The following EVI5 variants were observed in gnomAD, a reference collection of about 807,000 sequenced individuals.
The protein encoded by EVI5 is ecotropic viral integration site 5 protein homolog.
In EVI5, 73 loss-of-function variants were observed where a neutral mutation model predicts 112.0. The ratio of observed to expected loss-of-function variants is 0.65; its 90% CI spans 0.54 to 0.79. The LOEUF is 0.79. EVI5 is among the 30% of genes least tolerant of loss of function. The pLI is 0.00. For missense variants in EVI5, 900 were observed against 968.8 expected (o/e 0.93, Z 0.94); for synonymous variants, 305 against 319.9 (o/e 0.95, Z 0.50).
chr1:92,553,732 C>T (rs144746658), intron 19 of EVI5, among the ~76,000 whole-genome samples: 250 of 152,292 alleles, frequency 1.6e-3, no homozygotes, highest in Admixed American at 2.7e-3. Context: ...CCACGCCCTG[C>T]CCCTGTATGT....
intron 1 of EVI5, chr1:92,756,226 G>T: frequency 2.4e-6 from 1 of 422,088 alleles, no homozygotes; most frequent in East Asian, 6.0e-5. Flanking sequence ...TCAGTGGAAT[G>T]GACCTCCGCC....
intron 10 of EVI5, among the ~76,000 whole-genome samples, chr1:92,669,839 C>G (rs972525184): frequency 2.0e-5 from 3 of 151,986 alleles, no homozygotes; most frequent in South Asian, 2.1e-4. Flanking sequence ...CTCACATTTT[C>G]TAGAATAGAG....
intron 9 of EVI5, among the ~76,000 whole-genome samples, chr1:92,693,076 G>A (rs1228911453): frequency 6.6e-6 from 1 of 152,172 alleles, no homozygotes; most frequent in African/African-American, 2.4e-5. Flanking sequence ...ATTTGACCAG[G>A]TGCAGCGGCT....
intron 1 of EVI5, among the ~76,000 whole-genome samples, chr1:92,751,709 T>C (rs1339891900): frequency 6.7e-6 from 1 of 149,810 alleles, no homozygotes; most frequent in Non-Finnish European, 1.5e-5. Flanking sequence ...CTATAAACTC[T>C]TAGATTACAA....
At chr1:92,558,747 G>A (rs1668047480) in intron 19 of EVI5, among the ~76,000 whole-genome samples, 1 of 151,100 alleles carries the variant, frequency 6.6e-6, no homozygotes, top group South Asian at 2.1e-4. Context: ...CAGCCCTGTA[G>A]TCCCAGCTAC....
Position 92,677,164 on chromosome 1 carries a change from T to G in EVI5, c.1152A>C (p.Glu384Asp). 1 of 1,587,350 alleles carries G rather than the reference T, an allele frequency of 6.3e-7. No homozygotes were observed. The highest frequency in any genetic ancestry group is 8.6e-7 in the Non-Finnish European group (1 of 1,160,980). Residue 384 changes from glutamate (E) to aspartate (D), a missense_variant, in exon 10 of 20, where the codon GAA becomes GAC. Coordinates refer to ENST00000684568, the MANE Select transcript of EVI5 (RefSeq NM_001350197.2). The stretch of plus-strand genomic sequence containing the variant: ...AAAGCCCCCAACTGCTTACTTTAAT[T>G]TCAACTTGCTCTTCCATTTCTTTCG... ...IKTKEMEEQV[E>D]IKRLRTENRL...
At chr1:92,726,943 A>G (rs1333830946) in intron 2 of EVI5, among the ~76,000 whole-genome samples, 1 of 152,222 alleles carries the variant, frequency 6.6e-6, no homozygotes, top group East Asian at 1.9e-4. Flanking sequence ...TAAATGAACT[A>G]TAACAAAATC....
chr1:92,558,988 G>A (rs1220775829), intron 19 of EVI5, among the ~76,000 whole-genome samples: 3 of 152,164 alleles, frequency 2.0e-5, no homozygotes, highest in African/African-American at 7.2e-5. Flanking sequence ...CTCAGTATCT[G>A]TGGGAGAATG....
chr1:92,598,559 T>C (rs1354489713), intron 18 of EVI5, among the ~76,000 whole-genome samples: 1 of 152,174 alleles, frequency 6.6e-6, no homozygotes, highest in Non-Finnish European at 1.5e-5. Flanking sequence ...ACATAATAAT[T>C]AAAATTCATG....
rs552574438 is a variant in EVI5 at position 92,647,775 on chromosome 1, T to C, written c.1393-11439A>G. On this transcript the variant is annotated intron_variant, in intron 13 of 19. Coordinates refer to ENST00000684568, the MANE Select transcript of EVI5 (RefSeq NM_001350197.2). The stretch of plus-strand genomic sequence containing the variant: ...GGGTGGGGGGTATAGAATTTCTCCC[T>C]GTCGCCCAGGCTGGAGTGCAGTGGC... 73 of 171,912 alleles carry C rather than the reference T, an allele frequency of 4.2e-4. 1 individual carries two copies. Among genetic ancestry groups the C allele is most frequent in the East Asian group, 8.0e-4 (5 of 6,226 alleles). The allele number at this position is 171,912 out of a possible 1,614,324, so 10.6% of individuals were successfully genotyped here.
intron 19 of EVI5, among the ~76,000 whole-genome samples, chr1:92,527,375 A>G (rs531936294): frequency 1.4e-5 from 2 of 145,336 alleles, no homozygotes; most frequent in Non-Finnish European, 3.0e-5. Flanking sequence ...AGATGGTGCC[A>G]CTGCACTCCA....
chr1:92,782,559 T>C (rs1318516995), intron 1 of EVI5, among the ~76,000 whole-genome samples: 1 of 152,190 alleles, frequency 6.6e-6, no homozygotes, highest in Non-Finnish European at 1.5e-5. Flanking sequence ...CACACTGATA[T>C]ATTACTGTAC....
chr1:92,614,840 TTATATA>T (rs561640520), intron 16 of EVI5, among the ~76,000 whole-genome samples: 475 of 12,232 alleles, frequency 0.039, 5 homozygotes, highest in African/African-American at 0.13. Context: ...ATGTTATATT[TTATATA>T]TATATATATA....
chr1:92,674,736 T>C (rs946211121), intron 10 of EVI5, among the ~76,000 whole-genome samples: 3 of 150,068 alleles, frequency 2.0e-5, no homozygotes, highest in African/African-American at 4.9e-5. Flanking sequence ...CCCCTAAATA[T>C]GAAGTTTAAA....
chr1:92,759,870 T>C (rs1335905779), intron 1 of EVI5, among the ~76,000 whole-genome samples: 3 of 127,186 alleles, frequency 2.4e-5, no homozygotes, highest in Non-Finnish European at 4.9e-5. Context: ...CCCCCCCACA[T>C]ACATTTTGTC....
chr1:92,785,078 G>A lies in EVI5; in HGVS notation c.-324C>T. ...TGCCAGCTGGCCAGCTGGTTCCTCC[G>A]GGGTCCGGCCCGGCCGCGTCAGGAG... On this transcript the variant is annotated 5_prime_UTR_variant, in exon 1 of 20. Coordinates refer to ENST00000684568, the MANE Select transcript of EVI5 (RefSeq NM_001350197.2). 3.0e-6 allele frequency: 3 copies of A among 985,454 alleles called. No homozygotes were observed. The highest frequency in any genetic ancestry group is 9.4e-5 in the South Asian group (2 of 21,290). 61.0% of individuals were successfully genotyped at this position (985,454 alleles called of 1,614,324 possible).
intron 9 of EVI5, among the ~76,000 whole-genome samples, chr1:92,681,435 C>T (rs1667567418): frequency 6.6e-6 from 1 of 151,878 alleles, no homozygotes; most frequent in African/African-American, 2.4e-5. Flanking sequence ...TATATCGTAC[C>T]CCCTTAAGTT....
chr1:92,596,044 C>G (rs1647745017), intron 18 of EVI5, among the ~76,000 whole-genome samples: 1 of 152,086 alleles, frequency 6.6e-6, no homozygotes, highest in Admixed American at 6.5e-5. Context: ...TCAGTTTTCT[C>G]AACTATAAAA....
intron 13 of EVI5, among the ~76,000 whole-genome samples, chr1:92,638,229 T>G (rs1659275979): frequency 6.6e-6 from 1 of 152,128 alleles, no homozygotes; most frequent in South Asian, 2.1e-4. Flanking sequence ...TCCAATCAAG[T>G]ACAAAAAGCT....
Sources: allele counts gnomAD v4.1 joint callset (sites outside exome capture counted in the v4.1 genomes callset), GRCh38; gene constraint gnomAD v4.1.1; transcripts MANE v1.5; gene names NCBI Gene and HGNC (gene_info 2026-07-23, HGNC 2026-07-21).